The following EIF3E variants were observed in gnomAD, a reference collection of about 807,000 sequenced individuals.
EIF3E encodes eukaryotic translation initiation factor 3 subunit E, also known as eIF-3 p48.
A neutral mutation model predicts 59.3 loss-of-function variants in EIF3E; 25 were observed. The ratio of observed to expected loss-of-function variants is 0.42; its 90% CI spans 0.31 to 0.59. The LOEUF is 0.59. EIF3E is among the 20% of genes least tolerant of loss of function. The pLI is 0.15. For synonymous variants in EIF3E, 176 were observed against 170.2 expected, an observed-to-expected ratio of 1.03 and a Z score of -0.26; for missense variants, 317 against 534.3, an observed-to-expected ratio of 0.59 and a Z score of 4.01.
chr8:108,201,965 A>T (rs1815003128), intron 12 of EIF3E, 42 bp from the exon 13 acceptor site: 1 of 1,517,844 alleles, frequency 6.6e-7, no homozygotes, highest in Admixed American at 2.1e-5. Context: ...AAAAGAAAAT[A>T]CTTTCGGAAA....
chr8:108,225,425 A>G (rs1815500354), intron 7 of EIF3E, among the ~76,000 whole-genome samples: 1 of 151,330 alleles, frequency 6.6e-6, no homozygotes, highest in Non-Finnish European at 1.5e-5. Context: ...AACTCACTGG[A>G]CCAGTAAGTA....
At chr8:108,201,947 A>G in intron 12 of EIF3E, 24 bp from the exon 13 acceptor site, 1 of 1,562,832 alleles carries the variant, frequency 6.4e-7, no homozygotes, top group Non-Finnish European at 8.7e-7. Flanking sequence ...AAAGAAATCA[A>G]CACCGTGAAA....
chr8:108,205,612 T>C (rs34607515), intron 10 of EIF3E, among the ~76,000 whole-genome samples: 26,527 of 152,220 alleles, frequency 0.17, 2,753 homozygotes, highest in East Asian at 0.4. Context: ...TTGTAAACTG[T>C]TCTGGCTAGC....
chr8:108,238,032 A>C (rs1815767024), intron 3 of EIF3E, among the ~76,000 whole-genome samples: 1 of 152,228 alleles, frequency 6.6e-6, no homozygotes, highest in African/African-American at 2.4e-5. Flanking sequence ...ACTGGTGAAC[A>C]CATGTACATT....
intron 10 of EIF3E, among the ~76,000 whole-genome samples, chr8:108,210,758 C>T (rs1815191856): frequency 6.6e-6 from 1 of 152,058 alleles, no homozygotes; most frequent in Non-Finnish European, 1.5e-5. Context: ...CCCCCCACCC[C>T]ACGACAGGCC....
chr8:108,211,167 A>G (rs1175710344), intron 10 of EIF3E, among the ~76,000 whole-genome samples: 1 of 152,210 alleles, frequency 6.6e-6, no homozygotes, highest in East Asian at 1.9e-4. Context: ...TTGAGGAATC[A>G]CCACACTGTC....
rs1192960966 is a variant in EIF3E, at chr8:108,202,983, C to T, written c.1299G>A (p.Glu433=). The T allele has an allele frequency of 6.2e-7, 1 of 1,611,004 alleles. No homozygotes were observed. The highest frequency in any genetic ancestry group is 8.5e-7 in the Non-Finnish European group (1 of 1,178,444). The stretch of plus-strand genomic sequence containing the variant: ...AGAATAGAAGATGTGTGGTTCTTAC[C>T]TCTGACCTGCTATTCTGATTAAGTT... ...EKKLNQNSRS[E]APNWATQDSG... is the part of the protein sequence containing the mutation. Residue 433 remains glutamate, a splice_region_variant and synonymous_variant, in exon 12 of 13, where the codon GAG becomes GAA. Transcript: ENST00000220849.
At chr8:108,243,825 T>A (rs1239093177) in intron 1 of EIF3E, among the ~76,000 whole-genome samples, 1 of 152,010 alleles carries the variant, frequency 6.6e-6, no homozygotes, top group Non-Finnish European at 1.5e-5. Flanking sequence ...AACCTTAACT[T>A]CTCATCACTT....
At position 108,240,079 on chromosome 8, in the gene EIF3E, A is replaced by G. The variant is rs1265382703; in HGVS notation, c.206-4T>C. The G allele has an allele frequency of 6.2e-7, 1 of 1,608,432 alleles. No homozygotes were observed. The highest frequency in any genetic ancestry group is 8.5e-7 in the Non-Finnish European group (1 of 1,175,070). On this transcript the variant is annotated splice_region_variant and splice_polypyrimidine_tract_variant and intron_variant, in intron 2 of 12. Coordinates refer to ENST00000220849, the MANE Select transcript of EIF3E (RefSeq NM_001568.3). ...GTGGTTCTTTTCTCTCTCAAAGCTA[A>G]TTAAAAATGCAGAAGAGCACTACAA... is the stretch of plus-strand genomic sequence containing the variant.
At chr8:108,217,216 C>T in intron 8 of EIF3E, 118 bp downstream of exon 8, 1 of 781,604 alleles carries the variant, frequency 1.3e-6, no homozygotes, top group Non-Finnish European at 1.9e-6. Context: ...TCAAGTATTC[C>T]TTCCACCTAT....
In EIF3E at chr8:108,245,127, C is replaced by A. The variant is rs371352557; in HGVS notation, c.91-3214G>T. 2.5e-3 allele frequency among the ~76,000 whole-genome samples: 383 copies of A among 151,326 alleles called. 3 individuals are homozygous for A. The highest frequency in any genetic ancestry group is 8.8e-3 in the African/African-American group (358 of 40,812). The stretch of plus-strand genomic sequence containing the variant: ...ACTCCTCAAAACCCTCACTGCCCCC[C>A]CCTCCCATCCCATACCAATACAGAA... On this transcript the variant is annotated intron_variant, in intron 1 of 12. Coordinates refer to ENST00000220849, the MANE Select transcript of EIF3E (RefSeq NM_001568.3).
intron 7 of EIF3E, among the ~76,000 whole-genome samples, chr8:108,227,030 A>C (rs1336578490): frequency 6.6e-6 from 1 of 152,224 alleles, no homozygotes. Context: ...ATGAACTAAG[A>C]CTGTTAATGT....
In EIF3E at chr8:108,239,909, T is replaced by C. The variant is rs374680344; in HGVS notation, c.323+49A>G. ...GATAAAGTTTGAATTAACATTTGTA[T>C]TAATCCAGAAAGGAGAATTTTTAGA... is the stretch of plus-strand genomic sequence containing the variant. On this transcript the variant is annotated intron_variant, in intron 3 of 12. Transcript: ENST00000220849. 2.1e-6 allele frequency: 3 copies of C among 1,404,086 alleles called. No homozygotes were observed. In the African/African-American group the frequency reaches 4.3e-5, roughly 20 times the overall value. 87.0% of individuals were successfully genotyped at this position (1,404,086 alleles called of 1,614,324 possible).
chr8:108,241,656 T>C (rs1471700428), intron 2 of EIF3E, 143 bp downstream of exon 2: 1 of 451,054 alleles, frequency 2.2e-6, no homozygotes, highest in Non-Finnish European at 3.9e-6. Flanking sequence ...ATATGAAACC[T>C]TTATATAACC....
intron 10 of EIF3E, among the ~76,000 whole-genome samples, chr8:108,204,424 T>C (rs1052786432): frequency 1.5e-4 from 23 of 152,018 alleles, no homozygotes; most frequent in Non-Finnish European, 2.9e-4. Flanking sequence ...CTGGAGGCCA[T>C]TATTCTAGGT....
chr8:108,206,991 T>C (rs1036278849), intron 10 of EIF3E, among the ~76,000 whole-genome samples: 9 of 152,204 alleles, frequency 5.9e-5, no homozygotes, highest in Admixed American at 3.3e-4. Context: ...GTTTGCACTG[T>C]GCTTGTTGAT....
rs769234410 is a variant in EIF3E at position 108,248,672 on chromosome 8, C to T, written c.31G>A (p.Ala11Thr). The part of the protein sequence containing the change: MAEYDLTTRI[A>T]HFLDRHLVFP... ...ACTAGATGCCGATCCAAAAAGTGCG[C>T]GATGCGAGTAGTCAAGTCGTACTCC... Residue 11 changes from alanine (A) to threonine (T), a missense_variant, in exon 1 of 13, where the codon GCG becomes ACG. By Grantham distance (58) the Ala-to-Thr change is moderately conservative. Around this residue, in one of 4 missense-constraint regions of EIF3E, gnomAD observed 30 missense variants for 22.2 expected, o/e 1.35. Coordinates refer to ENST00000220849, the MANE Select transcript of EIF3E (RefSeq NM_001568.3). 2 of 1,613,978 alleles carry T rather than the reference C, an allele frequency of 1.2e-6. No homozygotes were observed. Among genetic ancestry groups the T allele is most frequent in the Non-Finnish European group, 1.7e-6 (2 of 1,180,020 alleles).
At chr8:108,235,970 A>G (rs1273761034) in intron 4 of EIF3E, among the ~76,000 whole-genome samples, 191 bp downstream of exon 4, 1 of 152,226 alleles carries the variant, frequency 6.6e-6, no homozygotes, top group African/African-American at 2.4e-5. Context: ...AAGGTGAGCT[A>G]TAAGCACATA....
intron 10 of EIF3E, among the ~76,000 whole-genome samples, chr8:108,205,233 A>G (rs1271296368): frequency 6.6e-6 from 1 of 152,160 alleles, no homozygotes; most frequent in Non-Finnish European, 1.5e-5. Flanking sequence ...TCTGCTTCCA[A>G]GGTAGACCGT....
Sources: gnomAD v4.1 joint callset for allele counts (sites outside exome capture counted in the v4.1 genomes callset) on GRCh38, gnomAD v4.1.1 for gene constraint, gnomAD v4.1.1 regional missense constraint, MANE v1.5 for transcripts, NCBI Gene and HGNC (gene_info 2026-07-23, HGNC 2026-07-21) for gene names.